Variants in EPHX2 observed in about 807,000 individuals in gnomAD.
EPHX2 encodes the protein bifunctional epoxide hydrolase 2.
EPHX2 carries 74 observed loss-of-function variants against 78.7 expected under a neutral mutation model. The ratio of observed to expected loss-of-function variants is 0.94; its 90% CI spans 0.78 to 1.14. EPHX2 has a LOEUF of 1.14. Among genes scored for constraint, EPHX2 ranks in the 50% most tolerant of loss-of-function variants. EPHX2 has a pLI of 0.00. For missense variants in EPHX2, 715 were observed against 702.5 expected (o/e 1.02, Z -0.20); for synonymous variants, 251 against 255.2 (o/e 0.98, Z 0.16).
intron 7 of EPHX2, among the ~76,000 whole-genome samples, chr8:27,516,016 G>T (rs192564072): frequency 2.6e-5 from 4 of 152,198 alleles, no homozygotes; most frequent in Admixed American, 2.0e-4. Flanking sequence ...TTAGAAAAGG[G>T]CAGACTTCTT....
In EPHX2 at chr8:27,508,774, G is replaced by A. The variant is rs116980600; in HGVS notation, c.660+1780G>A. 5.2e-3 allele frequency among the ~76,000 whole-genome samples: 788 copies of A among 151,954 alleles called. 4 individuals carry two copies. The highest frequency in any genetic ancestry group is 8.2e-3 in the Non-Finnish European group (555 of 67,994). On this transcript the variant is annotated intron_variant, in intron 5 of 18. Transcript: ENST00000521400. Reference sequence around the variant, plus strand: ...TCTTTGTGTGTGTGTGTGCGCGCACGCACGTGTGTGTGTGGACAGTTCAGT... The same window carrying A: ...TCTTTGTGTGTGTGTGTGCGCGCACACACGTGTGTGTGTGGACAGTTCAGT...
At chr8:27,535,887 C>A (rs1362888041) in intron 12 of EPHX2, among the ~76,000 whole-genome samples, 1 of 152,200 alleles carries the variant, frequency 6.6e-6, no homozygotes, top group Non-Finnish European at 1.5e-5. Flanking sequence ...AAGCCCCTCC[C>A]CCATCCTTTG....
intron 9 of EPHX2, 77 bp from the exon 10 acceptor site, chr8:27,520,806 C>T (rs750351063): frequency 1.3e-4 from 206 of 1,574,622 alleles, no homozygotes; most frequent in Non-Finnish European, 1.6e-4. Flanking sequence ...TTGGGGAGGA[C>T]GCAGTTCAGC....
intron 12 of EPHX2, among the ~76,000 whole-genome samples, chr8:27,527,379 TGTG>T (rs1423651584): frequency 5.9e-5 from 9 of 152,334 alleles, no homozygotes; most frequent in African/African-American, 2.2e-4. Context: ...TATTTTTAAT[TGTG>T]GTAAAACACA....
At chr8:27,531,055 G>A (rs944238666) in intron 12 of EPHX2, among the ~76,000 whole-genome samples, 7 of 152,118 alleles carry the variant, frequency 4.6e-5, no homozygotes, top group Admixed American at 1.3e-4. Flanking sequence ...GAGCCACCAC[G>A]CCCGGCTGTT....
intron 12 of EPHX2, among the ~76,000 whole-genome samples, chr8:27,529,477 ACCCTG>A (rs1213654386): frequency 6.6e-6 from 1 of 152,082 alleles, no homozygotes; most frequent in Non-Finnish European, 1.5e-5. Context: ...TATCCTGTGA[ACCCTG>A]CTCTCTCCCA....
At chr8:27,500,807 A>G (rs1377662403) in intron 1 of EPHX2, 119 bp from the exon 2 acceptor site, 9 of 895,396 alleles carry the variant, frequency 1.0e-5, no homozygotes, top group Non-Finnish European at 1.6e-5. Flanking sequence ...TGCATTTTCC[A>G]GTTCCTGGCA....
At chr8:27,527,150 G>C (rs1173743744) in intron 12 of EPHX2, among the ~76,000 whole-genome samples, 1 of 151,958 alleles carries the variant, frequency 6.6e-6, no homozygotes, top group Admixed American at 6.6e-5. Context: ...GTAGAGACGG[G>C]GTTTCACCAT....
intron 14 of EPHX2, among the ~76,000 whole-genome samples, chr8:27,540,175 C>G (rs1435938444): frequency 2.0e-5 from 3 of 152,108 alleles, no homozygotes; most frequent in African/African-American, 7.2e-5. Flanking sequence ...GCGATATCTC[C>G]AAAGGGCCAC....
chr8:27,540,521 G>T, intron 14 of EPHX2, 33 bp from the exon 15 acceptor site: 1 of 1,601,692 alleles, frequency 6.2e-7, no homozygotes, highest in Admixed American at 1.7e-5. Flanking sequence ...CTGGCCCGGG[G>T]ATGGGAAAGT....
chr8:27,530,762 C>CTTTTTTTTT (rs11343503), intron 12 of EPHX2, among the ~76,000 whole-genome samples: 1 of 127,364 alleles, frequency 7.9e-6, no homozygotes, highest in African/African-American at 3.2e-5. Flanking sequence ...TAATTTTTTT[C>CTTTTTTTTT]TTTTTTTTTT....
intron 6 of EPHX2, among the ~76,000 whole-genome samples, chr8:27,514,406 ACT>A (rs1436600139): frequency 6.6e-6 from 1 of 152,030 alleles, no homozygotes; most frequent in African/African-American, 2.4e-5. Context: ...CTATAATGTG[ACT>A]CTGATTGTTC....
At chr8:27,509,854 T>C (rs1814169420) in intron 5 of EPHX2, among the ~76,000 whole-genome samples, 1 of 152,092 alleles carries the variant, frequency 6.6e-6, no homozygotes, top group Admixed American at 6.5e-5. Context: ...CACAAACATA[T>C]AAGATGATTA....
At chr8:27,537,321 T>C (rs1256880191) in intron 13 of EPHX2, among the ~76,000 whole-genome samples, 2 of 152,256 alleles carry the variant, frequency 1.3e-5, no homozygotes, top group Admixed American at 6.5e-5. Context: ...CTCATTTGCA[T>C]TGAGTTCAGT....
At chr8:27,518,007 T>C (rs1283899621) in intron 8 of EPHX2, 31 bp from the exon 9 acceptor site, 1 of 1,546,470 alleles carries the variant, frequency 6.5e-7, no homozygotes, top group South Asian at 1.2e-5. Flanking sequence ...GTAACGTGAA[T>C]TAAATATGTT....
intron 8 of EPHX2, among the ~76,000 whole-genome samples, chr8:27,517,345 TC>T (rs1814494889): frequency 6.6e-6 from 1 of 152,204 alleles, no homozygotes; most frequent in South Asian, 2.1e-4. Flanking sequence ...GCAATCCCTG[TC>T]AAAATCTCAA....
At chr8:27,521,587 A>G (rs1814649676) in intron 10 of EPHX2, among the ~76,000 whole-genome samples, 1 of 152,210 alleles carries the variant, frequency 6.6e-6, no homozygotes, top group African/African-American at 2.4e-5. Context: ...GCTGTGCCTG[A>G]CACGGCAGGG....
In EPHX2 at chr8:27,536,875, G is replaced by T; in HGVS notation, c.1242+20G>T. On this transcript the variant is annotated intron_variant, in intron 13 of 18. Coordinates refer to ENST00000521400, the MANE Select transcript of EPHX2 (RefSeq NM_001979.6). Reference sequence around the variant, plus strand: ...GATGAGGTGAGGGGTGGGGATGGGTGCAGAAGAACAGGAGGGGGCAGTTGT... The same window carrying T: ...GATGAGGTGAGGGGTGGGGATGGGTTCAGAAGAACAGGAGGGGGCAGTTGT... 2 of 1,613,582 alleles carry T rather than the reference G, an allele frequency of 1.2e-6. No individual in the cohort carries two copies. Among genetic ancestry groups the T allele is most frequent in the Non-Finnish European group, 1.7e-6 (2 of 1,179,806 alleles).
intron 4 of EPHX2, among the ~76,000 whole-genome samples, chr8:27,505,829 T>C (rs1001414257): frequency 1.3e-5 from 2 of 152,170 alleles, no homozygotes; most frequent in African/African-American, 4.8e-5. Context: ...AATCTAAGCC[T>C]GCACAGGAAT....
Sources: allele counts gnomAD v4.1 joint callset (sites outside exome capture counted in the v4.1 genomes callset), GRCh38; gene constraint gnomAD v4.1.1; transcripts MANE v1.5; gene names NCBI Gene and HGNC (gene_info 2026-07-23, HGNC 2026-07-21).